The following BMPR2 variants were observed in gnomAD, a reference collection of about 807,000 sequenced individuals.
BMPR2 encodes bone morphogenetic protein receptor type 2.
A neutral mutation model predicts 100.8 loss-of-function variants in BMPR2; 29 were observed. That is an observed-to-expected ratio of 0.29 (90% CI 0.21 to 0.39). The LOEUF is 0.39. Ranked by LOEUF, BMPR2 falls within the 10% of genes least tolerant of loss-of-function variation. BMPR2 has a pLI of 1.00. For synonymous variants in BMPR2, 382 were observed against 442.3 expected (o/e 0.86, Z 1.71); for missense variants, 1,011 against 1,274.5 (o/e 0.79, Z 3.15).
chr2:202,499,782 A>G (rs899139104), intron 3 of BMPR2, among the ~76,000 whole-genome samples: 23 of 152,188 alleles, frequency 1.5e-4, no homozygotes, highest in African/African-American at 5.6e-4. Context: ...GTTCTATAAT[A>G]GGGACCAAGA....
At chr2:202,384,510 G>C (rs1427668288) in intron 1 of BMPR2, among the ~76,000 whole-genome samples, 1 of 130,232 alleles carries the variant, frequency 7.7e-6, no homozygotes, top group Admixed American at 7.4e-5. Flanking sequence ...AGAAATTTCA[G>C]TTTCTTTCTT....
chr2:202,466,529 G>T (rs1293839017), intron 2 of BMPR2, among the ~76,000 whole-genome samples: 2 of 151,942 alleles, frequency 1.3e-5, no homozygotes, highest in African/African-American at 4.8e-5. Context: ...CTCATGATCC[G>T]CCCACTTCGG....
chr2:202,493,917 G>C (rs942033024), intron 3 of BMPR2, among the ~76,000 whole-genome samples: 8 of 151,944 alleles, frequency 5.3e-5, no homozygotes, highest in African/African-American at 1.9e-4. Context: ...TTCCAAGCTA[G>C]ATCTATTCAA....
rs1692357914 is a variant in BMPR2 at position 202,467,819 on chromosome 2, G to C, written c.418+130G>C. 4.2e-6 allele frequency: 4 copies of C among 949,910 alleles called. No homozygotes were observed. In the Admixed American group the frequency reaches 6.0e-5, roughly 14 times the overall value. The allele number at this position is 949,910 out of a possible 1,614,324, so 58.8% of individuals were successfully genotyped here. ...CATGCCTGTAATGCCAGCACTTTGG[G>C]AGGCCGAGGTGGATGGATCACCTGA... On this transcript the variant is annotated intron_variant, in intron 3 of 12. Transcript: ENST00000374580.
At chr2:202,511,793 C>T (rs1687629947) in intron 3 of BMPR2, among the ~76,000 whole-genome samples, 2 of 151,940 alleles carry the variant, frequency 1.3e-5, no homozygotes, top group African/African-American at 4.8e-5. Flanking sequence ...CCAAAGTGGG[C>T]ACATCAACTT....
intron 11 of BMPR2, among the ~76,000 whole-genome samples, chr2:202,553,599 G>T (rs1425254184): frequency 2.0e-5 from 3 of 151,880 alleles, no homozygotes; most frequent in Non-Finnish European, 2.9e-5. Context: ...TTTCAGAAAG[G>T]CATCCAGGAA....
chr2:202,555,400 A>G lies in BMPR2; in HGVS notation c.1735A>G (p.Ile579Val), dbSNP rs775982546. 3.5e-5 allele frequency: 56 copies of G among 1,614,066 alleles called. 1 individual carries two copies. Among genetic ancestry groups the G allele is most frequent in the Middle Eastern group, 1.6e-4 (1 of 6,084 alleles). Residue 579 changes from isoleucine to valine, a missense_variant, in exon 12 of 13, where the codon ATA (isoleucine) becomes GTA (valine). Ile to Val is a conservative substitution (Grantham distance 29, BLOSUM62 3). Transcript: ENST00000374580. ...EHSMSSTPLT[I>V]GEKNRNSINY... ...TTCTATGTCCAGCACACCTTTGACT[A>G]TAGGGGAAAAAAACCGAAATTCAAT...
chr2:202,453,339 A>G (rs909753113), intron 1 of BMPR2, among the ~76,000 whole-genome samples: 2 of 152,158 alleles, frequency 1.3e-5, no homozygotes, highest in Non-Finnish European at 2.9e-5. Context: ...AAATCAGTAT[A>G]TCAAAGAGAT....
At chr2:202,405,356 C>A (rs1181610998) in intron 1 of BMPR2, among the ~76,000 whole-genome samples, 2 of 151,830 alleles carry the variant, frequency 1.3e-5, no homozygotes, top group African/African-American at 2.4e-5. Context: ...ATTTGCAAGT[C>A]CCAGGGCAAA....
intron 2 of BMPR2, chr2:202,467,129 G>C: frequency 3.5e-6 from 1 of 283,348 alleles, no homozygotes; most frequent in Non-Finnish European, 6.8e-6. Context: ...GCATGGTGGT[G>C]GCACATGCCT....
intron 1 of BMPR2, among the ~76,000 whole-genome samples, chr2:202,400,693 A>G (rs1690754626): frequency 6.6e-6 from 1 of 152,292 alleles, no homozygotes; most frequent in Admixed American, 6.5e-5. Flanking sequence ...GGTGATTTTC[A>G]TAACAAATTA....
At chr2:202,405,020 G>T (rs1168842996) in intron 1 of BMPR2, among the ~76,000 whole-genome samples, 1 of 151,872 alleles carries the variant, frequency 6.6e-6, no homozygotes, top group Admixed American at 6.6e-5. Flanking sequence ...ACAGGGTCTC[G>T]CTATGTTGCC....
intron 1 of BMPR2, among the ~76,000 whole-genome samples, chr2:202,443,032 G>T (rs1691778347): frequency 6.6e-6 from 1 of 150,486 alleles, no homozygotes. Context: ...TAAGGTTGGG[G>T]CCTAATCCAA....
intron 1 of BMPR2, among the ~76,000 whole-genome samples, chr2:202,394,873 A>G (rs1003380676): frequency 1.5e-5 from 2 of 134,172 alleles, no homozygotes; most frequent in African/African-American, 5.6e-5. Context: ...GATTTCTAAA[A>G]GTCTTTACTT....
chr2:202,549,155 GCTT>G (rs1337162312), intron 10 of BMPR2, among the ~76,000 whole-genome samples: 3 of 151,700 alleles, frequency 2.0e-5, no homozygotes, highest in African/African-American at 7.3e-5. Flanking sequence ...TGTTTTTCTG[GCTT>G]CTTTCAGTAT....
Position 202,532,653 on chromosome 2 carries a change from A to G in BMPR2, c.1197A>G (p.Ser399=). ...EGAVNLRDCE[S]ALKQVDMYAL... Reference sequence around the variant, plus strand: ...CTGTGAACTTGAGGGACTGTGAATCAGCTTTGAAACAAGTAGACATGTATG... The same window carrying G: ...CTGTGAACTTGAGGGACTGTGAATCGGCTTTGAAACAAGTAGACATGTATG... Residue 399 remains serine (S), a synonymous_variant, in exon 9 of 13, where the codon TCA becomes TCG. Transcript: ENST00000374580. This position sits in a 1 kb window ranked among gnomAD's most constrained non-coding sequence, Gnocchi z 4.1. The G allele has an allele frequency of 6.2e-7, 1 of 1,613,902 alleles. No individual in the cohort carries two copies. Among genetic ancestry groups the G allele is most frequent in the Non-Finnish European group, 8.5e-7 (1 of 1,179,876 alleles).
intron 1 of BMPR2, among the ~76,000 whole-genome samples, chr2:202,403,028 A>G (rs1189623340): frequency 1.3e-5 from 2 of 151,152 alleles, no homozygotes; most frequent in African/African-American, 2.4e-5. Context: ...GGATTTCTCC[A>G]TGTTGGTCAG....
chr2:202,403,811 G>A (rs111963144), intron 1 of BMPR2, among the ~76,000 whole-genome samples: 14 of 152,240 alleles, frequency 9.2e-5, no homozygotes, highest in African/African-American at 3.4e-4. Context: ...TTCAAGACCA[G>A]CCTGACCAAC....
At chr2:202,389,340 A>ATTAG (rs1303511895) in intron 1 of BMPR2, among the ~76,000 whole-genome samples, 1 of 151,842 alleles carries the variant, frequency 6.6e-6, no homozygotes, top group Non-Finnish European at 1.5e-5. Flanking sequence ...ATCCTGGCTA[A>ATTAG]CATGGTGAAA....
Sources: gnomAD v4.1 joint callset for allele counts (sites outside exome capture counted in the v4.1 genomes callset) on GRCh38, gnomAD v4.1.1 for gene constraint, Gnocchi (gnomAD v3.1) non-coding constraint, MANE v1.5 for transcripts, NCBI Gene and HGNC (gene_info 2026-07-23, HGNC 2026-07-21) for gene names.